Variants in PARD3B observed in about 807,000 individuals in gnomAD.
PARD3B encodes partitioning defective 3 homolog B.
PARD3B carries 103 observed loss-of-function variants against 130.2 expected under a neutral mutation model. The ratio of observed to expected loss-of-function variants is 0.79; its 90% CI spans 0.67 to 0.93. The LOEUF is 0.93. Ranked by LOEUF, PARD3B falls within the 40% of genes least tolerant of loss-of-function variation. The probability of loss-of-function intolerance (pLI) is 0.00; values close to 1 mark genes in which losing one functional copy is unlikely to be tolerated. For missense variants in PARD3B, 1,609 were observed against 1,499.2 expected (o/e 1.07, Z -1.21); for synonymous variants, 583 against 553.2 (o/e 1.05, Z -0.76).
At chr2:204,894,543 C>T (rs73053126) in intron 2 of PARD3B, among the ~76,000 whole-genome samples, 4,659 of 151,782 alleles carry the variant, frequency 0.031, 232 homozygotes, top group African/African-American at 0.11. Flanking sequence ...TAAAATACAA[C>T]ACTTCTGTGA....
At chr2:204,838,445 C>A (rs2044139087) in intron 2 of PARD3B, among the ~76,000 whole-genome samples, 1 of 151,490 alleles carries the variant, frequency 6.6e-6, no homozygotes, top group East Asian at 1.9e-4. Context: ...AAACTCCTGA[C>A]CTCAGTTGAT....
At position 204,890,938 on chromosome 2, in the gene PARD3B, T is replaced by C. The variant is rs1229223002; in HGVS notation, c.223-74214T>C. ...CAAGAGATAATATCTCTTGCCATCA[T>C]CCACTGCCTCCATGAGGATATTCTA... On this transcript the variant is annotated intron_variant, in intron 2 of 22. Coordinates refer to ENST00000406610, the MANE Select transcript of PARD3B (RefSeq NM_001302769.2). This position sits in a 1 kb window ranked among gnomAD's most constrained non-coding sequence, Gnocchi z 4.9. Among the ~76,000 whole-genome samples the C allele has an allele frequency of 1.3e-5, 2 of 152,188 alleles. No individual in the cohort carries two copies. Among genetic ancestry groups the C allele is most frequent in the Non-Finnish European group, 1.5e-5 (1 of 68,028 alleles).
Position 204,999,784 on chromosome 2 carries a change from A to G in PARD3B, c.394+34461A>G, listed in dbSNP as rs75361902. 9.1e-3 allele frequency among the ~76,000 whole-genome samples: 1,379 copies of G among 152,356 alleles called. 21 individuals are homozygous for G. The highest frequency in any genetic ancestry group is 0.03 in the African/African-American group (1,266 of 41,588). ...TACCCAATTTACTTCAGTGAATTCA[A>G]TCTTTCTTAGGAAGCAAGTGGTACC... On this transcript the variant is annotated intron_variant, in intron 3 of 22. Coordinates refer to ENST00000406610, the MANE Select transcript of PARD3B (RefSeq NM_001302769.2).
intron 18 of PARD3B, among the ~76,000 whole-genome samples, chr2:205,343,696 AGCT>A: frequency 6.6e-6 from 1 of 152,300 alleles, no homozygotes; most frequent in Non-Finnish European, 1.5e-5. Context: ...CCTGGCTCAC[AGCT>A]GTGGAGAACA....
chr2:204,821,216 T>TG, intron 2 of PARD3B, among the ~76,000 whole-genome samples: 1 of 152,260 alleles, frequency 6.6e-6, no homozygotes, highest in East Asian at 1.9e-4. Flanking sequence ...AACTGACTCA[T>TG]GGGGGCAGGT....
intron 2 of PARD3B, among the ~76,000 whole-genome samples, chr2:204,801,817 A>G (rs570851541): frequency 6.6e-6 from 1 of 152,312 alleles, no homozygotes; most frequent in Non-Finnish European, 1.5e-5. Flanking sequence ...GCCTTTTCCC[A>G]TTTAGTATGA....
chr2:204,924,590 T>G (rs1687439912), intron 2 of PARD3B, among the ~76,000 whole-genome samples: 1 of 152,134 alleles, frequency 6.6e-6, no homozygotes, highest in Non-Finnish European at 1.5e-5. Context: ...AAATATCTTC[T>G]GAAAATCTTT....
intron 1 of PARD3B, among the ~76,000 whole-genome samples, chr2:204,616,862 A>G (rs2034130856): frequency 6.6e-6 from 1 of 152,206 alleles, no homozygotes; most frequent in Non-Finnish European, 1.5e-5. Flanking sequence ...TGGCAGGAAC[A>G]TGCCATTTTA....
intron 2 of PARD3B, among the ~76,000 whole-genome samples, chr2:204,953,439 A>T (rs1394609754): frequency 6.6e-6 from 1 of 150,458 alleles, no homozygotes; most frequent in Non-Finnish European, 1.5e-5. Context: ...AGAGAGAGAG[A>T]GAGAGAGAGA....
At chr2:204,766,405 T>G (rs2041150333) in intron 2 of PARD3B, among the ~76,000 whole-genome samples, 1 of 152,180 alleles carries the variant, frequency 6.6e-6, no homozygotes. Context: ...AAAAGTCCTT[T>G]GGAATCCACT....
At chr2:205,364,419 G>A (rs16837248) in intron 18 of PARD3B, among the ~76,000 whole-genome samples, 5,010 of 152,232 alleles carry the variant, frequency 0.033, 96 homozygotes, top group Middle Eastern at 0.058. Flanking sequence ...AGTCCTCCTT[G>A]TTACAGGTGA....
Position 205,614,598 on chromosome 2 carries a change from C to T in PARD3B, c.3261-858C>T, listed in dbSNP as rs536771377. On this transcript the variant is annotated intron_variant, in intron 22 of 22. Transcript: ENST00000406610. ...GTGGGCACCTGTAGTTCCATCTACT[C>T]GGTAGGCTGAGGTGGGAGAATCGCT... Among the ~76,000 whole-genome samples, 41 of 151,618 alleles carry T rather than the reference C, an allele frequency of 2.7e-4. No individual in the cohort carries two copies. In the South Asian group the frequency reaches 7.1e-3, roughly 26 times the overall value.
intron 2 of PARD3B, among the ~76,000 whole-genome samples, chr2:204,792,902 T>A (rs1248312471): frequency 7.8e-6 from 1 of 128,458 alleles, no homozygotes; most frequent in African/African-American, 3.2e-5. Flanking sequence ...GCTTTACCTA[T>A]TTTTTTTTTT....
chr2:205,438,421 A>C (rs1274879701), intron 19 of PARD3B, among the ~76,000 whole-genome samples: 1 of 152,204 alleles, frequency 6.6e-6, no homozygotes, highest in Non-Finnish European at 1.5e-5. Context: ...TGAGATATTC[A>C]TCTTTCTGCT....
intron 15 of PARD3B, among the ~76,000 whole-genome samples, chr2:205,226,292 T>C (rs559139489): frequency 7.2e-5 from 11 of 152,196 alleles, no homozygotes; most frequent in African/African-American, 1.4e-4. Flanking sequence ...CCGCCCGCCT[T>C]GGCCTCCCAA....
At chr2:205,299,752 T>A (rs546090078) in intron 16 of PARD3B, among the ~76,000 whole-genome samples, 27 of 152,136 alleles carry the variant, frequency 1.8e-4, no homozygotes, top group Non-Finnish European at 3.2e-4. Context: ...ATGATTCAAA[T>A]TCAGTTGTGC....
At chr2:205,102,331 A>G (rs1702841698) in intron 4 of PARD3B, among the ~76,000 whole-genome samples, 1 of 152,066 alleles carries the variant, frequency 6.6e-6, no homozygotes, top group South Asian at 2.1e-4. Context: ...TGTAAGAGAA[A>G]CAGATAAGAA....
chr2:205,112,972 G>A (rs1453432148), intron 5 of PARD3B, among the ~76,000 whole-genome samples: 1 of 152,146 alleles, frequency 6.6e-6, no homozygotes, highest in African/African-American at 2.4e-5. Context: ...CTTTGAACAT[G>A]CCCATATGTA....
intron 18 of PARD3B, among the ~76,000 whole-genome samples, chr2:205,304,980 A>G (rs539601551): frequency 6.6e-6 from 1 of 152,286 alleles, no homozygotes; most frequent in East Asian, 1.9e-4. Context: ...AATTTCAGCA[A>G]ATTGAGTTCT....
Sources: gnomAD v4.1 joint callset for allele counts (sites outside exome capture counted in the v4.1 genomes callset) on GRCh38, gnomAD v4.1.1 for gene constraint, Gnocchi (gnomAD v3.1) non-coding constraint, MANE v1.5 for transcripts, NCBI Gene and HGNC (gene_info 2026-07-23, HGNC 2026-07-21) for gene names.